The following ASPHD2 variants were observed in gnomAD, a reference collection of about 807,000 sequenced individuals.
The protein encoded by ASPHD2 is aspartate beta-hydroxylase domain-containing protein 2.
Under a neutral mutation model 34.6 loss-of-function variants are expected in ASPHD2, and 12 were observed. The observed-to-expected ratio is 0.35, with a 90% CI of 0.22 to 0.56. The LOEUF is 0.56. ASPHD2 is among the 20% of genes least tolerant of loss of function. The pLI, the probability that ASPHD2 is intolerant of heterozygous loss-of-function variation, is 0.87. For synonymous variants in ASPHD2, 224 were observed against 212.2 expected (o/e 1.06, Z -0.48); for missense variants, 375 against 505.0 (o/e 0.74, Z 2.47).
chr22:26,437,074 C>T (rs189452731), intron 2 of ASPHD2, among the ~76,000 whole-genome samples: 2 of 152,292 alleles, frequency 1.3e-5, no homozygotes, highest in Admixed American at 6.5e-5. Context: ...TCCTTCTTTA[C>T]ACTATCATGC....
chr22:26,442,747 G>C (rs2084860142), intron 3 of ASPHD2, among the ~76,000 whole-genome samples, 175 bp downstream of exon 3: 1 of 152,128 alleles, frequency 6.6e-6, no homozygotes, highest in Non-Finnish European at 1.5e-5. Flanking sequence ...TAAAGTTCAT[G>C]GTTGACATTA....
intron 2 of ASPHD2, among the ~76,000 whole-genome samples, chr22:26,438,510 T>C (rs2010986): frequency 0.11 from 10,544 of 95,832 alleles, 656 homozygotes; most frequent in Middle Eastern, 0.15. Flanking sequence ...TACATATATA[T>C]ACATACATAT....
chr22:26,438,666 C>CAT (rs2084816946), intron 2 of ASPHD2, among the ~76,000 whole-genome samples: 1 of 67,172 alleles, frequency 1.5e-5, no homozygotes, highest in African/African-American at 5.1e-5. Flanking sequence ...TATATATATA[C>CAT]ACATACATAC....
chr22:26,438,691 A>G (rs1474379434), intron 2 of ASPHD2, among the ~76,000 whole-genome samples: 2 of 150,632 alleles, frequency 1.3e-5, no homozygotes, highest in Non-Finnish European at 2.9e-5. Context: ...ACACACACAC[A>G]CACATATATA....
In ASPHD2 at chr22:26,433,362, AT is replaced by A; in HGVS notation, c.-224-27del. The stretch of plus-strand genomic sequence containing the variant: ...AGTTGAGGACTTTTCCAGGTGTAAA[AT>A]TTATGCTGATTTTTTTTTTCCATCC... On this transcript the variant is annotated intron_variant, in intron 1 of 3. Transcript: ENST00000215906. This position sits in a 1 kb window ranked among gnomAD's most constrained non-coding sequence, Gnocchi z 5.1. The A allele has an allele frequency of 4.0e-6, 2 of 497,478 alleles. No individual in the cohort carries two copies. The highest frequency in any genetic ancestry group is 6.9e-5 in the East Asian group (2 of 29,016). The allele number at this position is 497,478 out of a possible 1,614,324, so 30.8% of individuals were successfully genotyped here.
At position 26,430,049 on chromosome 22, in the gene ASPHD2, C is replaced by T. The variant is rs1450040911; in HGVS notation, c.-225+563C>T. Among the ~76,000 whole-genome samples the T allele has an allele frequency of 3.3e-5, 5 of 152,230 alleles. No individual in the cohort carries two copies. The East Asian group carries it at 9.6e-4, about 29-fold the overall frequency. ...CTTCAGCCCTCCCCTCTTTCCCACT[C>T]TCCAGGGCAGGTGGGTGCTGAGAAG... On this transcript the variant is annotated intron_variant, in intron 1 of 3. Coordinates refer to ENST00000215906, the MANE Select transcript of ASPHD2 (RefSeq NM_020437.5).
intron 2 of ASPHD2, among the ~76,000 whole-genome samples, chr22:26,438,462 C>CATATATAT (rs1347417040): frequency 1.4e-5 from 1 of 70,546 alleles, no homozygotes; most frequent in Non-Finnish European, 3.6e-5. Context: ...CATATATATA[C>CATATATAT]ACACACACAT....
intron 2 of ASPHD2, among the ~76,000 whole-genome samples, chr22:26,437,866 G>C (rs550555484): frequency 6.6e-6 from 1 of 152,146 alleles, no homozygotes; most frequent in Non-Finnish European, 1.5e-5. Context: ...AGCCATAGAG[G>C]AGCATATGGG....
intron 2 of ASPHD2, 134 bp downstream of exon 2, chr22:26,434,635 A>G: frequency 2.1e-6 from 2 of 968,978 alleles, no homozygotes; most frequent in South Asian, 1.8e-5. Flanking sequence ...AAACTGATGA[A>G]TTGCATGTAA....
chr22:26,438,450 TACATATATATAC>T (rs1221860007), intron 2 of ASPHD2, among the ~76,000 whole-genome samples: 4 of 129,512 alleles, frequency 3.1e-5, no homozygotes, highest in African/African-American at 1.1e-4. Flanking sequence ...TACATATATA[TACATATATATAC>T]ACACACACAT....
intron 2 of ASPHD2, among the ~76,000 whole-genome samples, chr22:26,438,534 TATAC>T (rs1278270134): frequency 6.9e-6 from 1 of 145,010 alleles, no homozygotes; most frequent in East Asian, 2.1e-4. Context: ...TACATACATA[TATAC>T]ACATACATAT....
At chr22:26,432,698 C>T (rs1175028506) in intron 1 of ASPHD2, among the ~76,000 whole-genome samples, 3 of 152,198 alleles carry the variant, frequency 2.0e-5, no homozygotes, top group Non-Finnish European at 2.9e-5. Flanking sequence ...TTCTACCTCC[C>T]TCATTTTCCT....
At chr22:26,432,462 A>C (rs908406479) in intron 1 of ASPHD2, among the ~76,000 whole-genome samples, 1 of 152,232 alleles carries the variant, frequency 6.6e-6, no homozygotes, top group African/African-American at 2.4e-5. Flanking sequence ...GTATTAGAAG[A>C]AGCAGGATGA....
At chr22:26,430,083 G>C (rs1350045798) in intron 1 of ASPHD2, among the ~76,000 whole-genome samples, 1 of 152,200 alleles carries the variant, frequency 6.6e-6, no homozygotes, top group East Asian at 1.9e-4. Flanking sequence ...AGCTGGCCAA[G>C]AGAGGGAAGG....
Position 26,443,337 on chromosome 22 carries a change from A to G in ASPHD2, c.*131A>G. 1.4e-6 allele frequency: 1 copy of G among 699,796 alleles called. No individual in the cohort carries two copies. Among genetic ancestry groups the G allele is most frequent in the Non-Finnish European group, 2.4e-6 (1 of 411,264 alleles). The allele number at this position is 699,796 out of a possible 1,614,324, so 43.3% of individuals were successfully genotyped here. On this transcript the variant is annotated 3_prime_UTR_variant, in exon 4 of 4. Coordinates refer to ENST00000215906, the MANE Select transcript of ASPHD2 (RefSeq NM_020437.5). ...CCTCAGCGGAAAGCTCTTATTTGGG[A>G]TTTTATATCATGTCGGGTCCCTCTT...
At chr22:26,441,816 G>A (rs565409266) in intron 2 of ASPHD2, among the ~76,000 whole-genome samples, 3 of 152,198 alleles carry the variant, frequency 2.0e-5, no homozygotes, top group South Asian at 2.1e-4. Flanking sequence ...CCAGCTACTC[G>A]GGAGGCTGAG....
At position 26,444,230 on chromosome 22, in the gene ASPHD2, T is replaced by G. The variant is rs189418822; in HGVS notation, c.*1024T>G. The G allele has an allele frequency of 6.6e-6, 1 of 152,084 alleles. No individual in the cohort carries two copies. The highest frequency in any genetic ancestry group is 1.9e-4 in the East Asian group (1 of 5,184). The allele number at this position is 152,084 out of a possible 1,614,324, so 9.4% of individuals were successfully genotyped here. ...GCTTTGGAGTTCTGTTGCCTATGTT[T>G]TTTTTTTTTTCATTTATTTGTCTGT... On this transcript the variant is annotated 3_prime_UTR_variant, in exon 4 of 4. Coordinates refer to ENST00000215906, the MANE Select transcript of ASPHD2 (RefSeq NM_020437.5).
intron 1 of ASPHD2, among the ~76,000 whole-genome samples, chr22:26,431,576 G>A (rs2084756547): frequency 6.6e-6 from 1 of 152,166 alleles, no homozygotes; most frequent in Non-Finnish European, 1.5e-5. Context: ...AACCGAAACT[G>A]GGAAAAAGCA....
chr22:26,438,480 C>T (rs7511084), intron 2 of ASPHD2, among the ~76,000 whole-genome samples: 3,045 of 87,936 alleles, frequency 0.035, 113 homozygotes, highest in African/African-American at 0.099. Flanking sequence ...CATATATATA[C>T]ATATATATAG....
Sources: gnomAD v4.1 joint callset for allele counts (sites outside exome capture counted in the v4.1 genomes callset) on GRCh38, gnomAD v4.1.1 for gene constraint, Gnocchi (gnomAD v3.1) non-coding constraint, MANE v1.5 for transcripts, NCBI Gene and HGNC (gene_info 2026-07-23, HGNC 2026-07-21) for gene names.